Variants in PPP2R3A observed in about 807,000 individuals in gnomAD.
The protein encoded by PPP2R3A is serine/threonine-protein phosphatase 2A regulatory subunit B'' subunit alpha.
Under a neutral mutation model 106.9 loss-of-function variants are expected in PPP2R3A, and 80 were observed. The observed-to-expected ratio is 0.75, with a 90% CI of 0.62 to 0.90. PPP2R3A has a LOEUF of 0.90. Among genes scored for constraint, PPP2R3A ranks in the 40% least tolerant of loss-of-function variants. The pLI is 0.00. For missense variants in PPP2R3A, 1,386 were observed against 1,350.4 expected, an observed-to-expected ratio of 1.03 and a Z score of -0.41; for synonymous variants, 483 against 468.3, an observed-to-expected ratio of 1.03 and a Z score of -0.41.
chr3:135,976,829 G>A (rs1379581021), intron 1 of PPP2R3A, among the ~76,000 whole-genome samples: 1 of 151,974 alleles, frequency 6.6e-6, no homozygotes, highest in Non-Finnish European at 1.5e-5. Flanking sequence ...AGATATTTAA[G>A]TTCATCTGAA....
chr3:136,035,258 A>G (rs930197875), intron 3 of PPP2R3A, among the ~76,000 whole-genome samples: 3 of 152,072 alleles, frequency 2.0e-5, no homozygotes, highest in African/African-American at 4.8e-5. Flanking sequence ...TCATCATGCT[A>G]TTTGTTTCCT....
chr3:136,111,218 T>A (rs1414405572), intron 13 of PPP2R3A, among the ~76,000 whole-genome samples: 1 of 152,120 alleles, frequency 6.6e-6, no homozygotes, highest in Admixed American at 6.5e-5. Context: ...CACAGATATA[T>A]AAGAGAGAAA....
intron 12 of PPP2R3A, 101 bp from the exon 13 acceptor site, chr3:136,106,115 A>C (rs1937511403): frequency 3.2e-6 from 3 of 944,908 alleles, no homozygotes; most frequent in Middle Eastern, 5.0e-4. Context: ...AACATTTTTC[A>C]GGTAGGATTT....
chr3:135,988,475 A>C (rs930893156), intron 1 of PPP2R3A, among the ~76,000 whole-genome samples: 7 of 152,074 alleles, frequency 4.6e-5, no homozygotes, highest in African/African-American at 1.7e-4. Context: ...TGTCCCCTGT[A>C]GTCTGTTCTC....
At chr3:136,042,655 C>T (rs766773666) in intron 4 of PPP2R3A, among the ~76,000 whole-genome samples, 8 of 152,318 alleles carry the variant, frequency 5.3e-5, no homozygotes, top group Admixed American at 2.0e-4. Flanking sequence ...AAGTACAAGT[C>T]TCCATTTTGG....
intron 13 of PPP2R3A, among the ~76,000 whole-genome samples, chr3:136,114,088 T>C (rs1001370995): frequency 6.6e-6 from 1 of 152,070 alleles, no homozygotes; most frequent in Non-Finnish European, 1.5e-5. Flanking sequence ...TTGGGACTGG[T>C]TGGACAGTAG....
chr3:136,115,412 A>G (rs1464505542), intron 13 of PPP2R3A, among the ~76,000 whole-genome samples: 3 of 152,112 alleles, frequency 2.0e-5, no homozygotes, highest in Non-Finnish European at 2.9e-5. Flanking sequence ...ACGAACTGAC[A>G]GAAGTAGGCT....
At chr3:136,114,371 G>GT (rs1448773606) in intron 13 of PPP2R3A, among the ~76,000 whole-genome samples, 6 of 151,992 alleles carry the variant, frequency 3.9e-5, no homozygotes, top group South Asian at 2.1e-4. Flanking sequence ...AGGAGTTGTT[G>GT]TTTTTTTTGT....
In PPP2R3A at chr3:135,980,513, A is replaced by G. The variant is rs142223634; in HGVS notation, c.-441+14664A>G. ...GTTAAATTAGTTTATAACATGAACT[A>G]CTTTTGCACTGGGCAGCTTTATTGC... On this transcript the variant is annotated intron_variant, in intron 1 of 13. Coordinates refer to ENST00000264977, the MANE Select transcript of PPP2R3A (RefSeq NM_002718.5). Among the ~76,000 whole-genome samples, 378 of 151,938 alleles carry G rather than the reference A, an allele frequency of 2.5e-3. 11 individuals are homozygous for G. The highest frequency in any genetic ancestry group is 8.5e-3 in the African/African-American group (352 of 41,222).
intron 5 of PPP2R3A, among the ~76,000 whole-genome samples, chr3:136,064,218 G>A (rs1936183332): frequency 1.4e-5 from 2 of 140,140 alleles, no homozygotes; most frequent in African/African-American, 5.3e-5. Flanking sequence ...ATTGAACAAT[G>A]AGAACACATG....
intron 10 of PPP2R3A, among the ~76,000 whole-genome samples, chr3:136,094,099 A>T (rs1360050037): frequency 6.6e-6 from 1 of 152,206 alleles, no homozygotes. Flanking sequence ...ATGTAAAGTA[A>T]AAGATGCCAG....
chr3:136,132,674 A>T (rs143307034), intron 13 of PPP2R3A, among the ~76,000 whole-genome samples: 3 of 151,900 alleles, frequency 2.0e-5, no homozygotes, highest in African/African-American at 7.2e-5. Context: ...TAAAATGTCA[A>T]TTATCCCCAA....
rs756855842 is a variant in PPP2R3A, at chr3:136,145,207, T to C, written c.*41T>C. On this transcript the variant is annotated 3_prime_UTR_variant, in exon 14 of 14. Coordinates refer to ENST00000264977, the MANE Select transcript of PPP2R3A (RefSeq NM_002718.5). Reference sequence around the variant, plus strand: ...ATGAAACGAAGATGTGTATTTTAAATGTTTCTTTCTTGTGAAGAGATGTTC... The same window carrying C: ...ATGAAACGAAGATGTGTATTTTAAACGTTTCTTTCTTGTGAAGAGATGTTC... The C allele has an allele frequency of 1.9e-6, 3 of 1,574,224 alleles. No individual in the cohort carries two copies. The African/African-American group carries it at 4.1e-5, about 22-fold the overall frequency.
At chr3:135,970,130 G>A (rs571465320) in intron 1 of PPP2R3A, among the ~76,000 whole-genome samples, 102 of 152,318 alleles carry the variant, frequency 6.7e-4, no homozygotes, top group African/African-American at 2.2e-3. Context: ...TGCCTTGGAC[G>A]AATCTGAGGT....
Position 136,003,319 on chromosome 3 carries a change from A to C in PPP2R3A, c.1821A>C (p.Glu607Asp). The C allele has an allele frequency of 6.2e-7, 1 of 1,614,018 alleles. No homozygotes were observed. Among genetic ancestry groups the C allele is most frequent in the East Asian group, 2.2e-5 (1 of 44,848 alleles). ...AAGACTTTGCTCAAGAACTAGTTGAATGCAAATCAAGCAGAGGGAGCCTAT... is the reference window on the plus strand; with the variant it reads ...AAGACTTTGCTCAAGAACTAGTTGACTGCAAATCAAGCAGAGGGAGCCTAT... ...SIEDFAQELV[E>D]CKSSRGSLSQ... is the part of the protein sequence containing the mutation. Residue 607 changes from glutamate to aspartate, a missense_variant, in exon 2 of 14, where the codon GAA (glutamate) becomes GAC (aspartate). Coordinates refer to ENST00000264977, the MANE Select transcript of PPP2R3A (RefSeq NM_002718.5).
In PPP2R3A at chr3:136,002,619, C is replaced by T. The variant is rs1193237215; in HGVS notation, c.1121C>T (p.Thr374Ile). ...GTACAATCCATTCCAAACAACTCCA[C>T]AAATTCCTTATATAACTTAGAGGTA... ...DTVQSIPNNS[T>I]NSLYNLEVND... The change falls in exon 2 of 14, where the codon ACA becomes ATA. Residue 374 changes from threonine to isoleucine, a missense_variant. Thr to Ile is a moderately conservative substitution (Grantham distance 89). Transcript: ENST00000264977. The T allele has an allele frequency of 1.2e-6, 2 of 1,613,990 alleles. No homozygotes were observed. The highest frequency in any genetic ancestry group is 1.1e-5 in the South Asian group (1 of 91,074).
chr3:135,991,761 T>C (rs1174272133), intron 1 of PPP2R3A, among the ~76,000 whole-genome samples: 4 of 152,230 alleles, frequency 2.6e-5, no homozygotes, highest in African/African-American at 9.6e-5. Flanking sequence ...GTTACCCAGC[T>C]AGTCAGTGCA....
chr3:135,980,739 G>T (rs886215084), intron 1 of PPP2R3A, among the ~76,000 whole-genome samples: 1 of 151,834 alleles, frequency 6.6e-6, no homozygotes, highest in Non-Finnish European at 1.5e-5. Flanking sequence ...GCCTGTTTAG[G>T]CTGATGCCTA....
At chr3:136,125,561 T>G (rs933973995) in intron 13 of PPP2R3A, among the ~76,000 whole-genome samples, 3 of 152,002 alleles carry the variant, frequency 2.0e-5, no homozygotes, top group East Asian at 1.9e-4. Context: ...CAAATCAATA[T>G]TCCAGCCACC....
Sources: gnomAD v4.1 joint callset for allele counts (sites outside exome capture counted in the v4.1 genomes callset) on GRCh38, gnomAD v4.1.1 for gene constraint, MANE v1.5 for transcripts, NCBI Gene and HGNC (gene_info 2026-07-23, HGNC 2026-07-21) for gene names.